The following DTHD1 variants were observed in gnomAD, a reference collection of about 807,000 sequenced individuals.
DTHD1 encodes the protein death domain containing 1, also known as death domain-containing protein 1.
In DTHD1, 59 loss-of-function variants were observed where a neutral mutation model predicts 74.8. That is an observed-to-expected ratio of 0.79 (90% CI 0.64 to 0.98). The LOEUF is 0.98. Among genes scored for constraint, DTHD1 ranks in the 50% least tolerant of loss-of-function variants. DTHD1 has a pLI of 0.00. For missense variants in DTHD1, 1,051 were observed against 1,065.4 expected (o/e 0.99, Z 0.19); for synonymous variants, 365 against 371.1 (o/e 0.98, Z 0.19).
At chr4:36,309,798 C>T (rs1757280864) in intron 7 of DTHD1, among the ~76,000 whole-genome samples, 1 of 152,108 alleles carries the variant, frequency 6.6e-6, no homozygotes. Context: ...AACTATCATC[C>T]TCATTTTTTC....
chr4:36,323,832 A>G (rs1016424514), intron 8 of DTHD1, among the ~76,000 whole-genome samples: 2 of 152,210 alleles, frequency 1.3e-5, no homozygotes, highest in Middle Eastern at 3.4e-3. Context: ...TAGAAATATT[A>G]TGTTAATTTT....
intron 9 of DTHD1, 48 bp downstream of exon 9, chr4:36,339,217 T>A (rs563537229): frequency 1.6e-6 from 2 of 1,266,786 alleles, no homozygotes; most frequent in African/African-American, 3.0e-5. Context: ...CCCACCCCCT[T>A]ATATGTTGTA....
At chr4:36,290,014 A>C (rs1307277386) in intron 2 of DTHD1, among the ~76,000 whole-genome samples, 1 of 152,182 alleles carries the variant, frequency 6.6e-6, no homozygotes, top group Admixed American at 6.5e-5. Flanking sequence ...AAACTTCAGC[A>C]ATCTTCAGCT....
chr4:36,323,589 CA>C (rs1400443242), intron 8 of DTHD1, among the ~76,000 whole-genome samples: 1 of 107,966 alleles, frequency 9.3e-6, no homozygotes, highest in African/African-American at 2.6e-5. Context: ...TTTTAAAAAG[CA>C]GATTGAAAGA....
intron 8 of DTHD1, among the ~76,000 whole-genome samples, chr4:36,322,165 A>T (rs1758067901): frequency 6.6e-6 from 1 of 151,690 alleles, no homozygotes; most frequent in African/African-American, 2.4e-5. Context: ...GTGTTTCTTC[A>T]TTTGTACATT....
chr4:36,302,328 T>A (rs1756826524), intron 5 of DTHD1, among the ~76,000 whole-genome samples: 2 of 152,264 alleles, frequency 1.3e-5, no homozygotes, highest in East Asian at 3.9e-4. Context: ...GGTTTTTTTC[T>A]CTGTACAATA....
At chr4:36,335,953 C>T (rs963334987) in intron 8 of DTHD1, among the ~76,000 whole-genome samples, 4 of 152,114 alleles carry the variant, frequency 2.6e-5, no homozygotes, top group Non-Finnish European at 5.9e-5. Context: ...GGTGTAGGTG[C>T]CTGTGTTTGG....
At chr4:36,283,497 G>A (rs375717704) in intron 1 of DTHD1, among the ~76,000 whole-genome samples, 52 of 152,290 alleles carry the variant, frequency 3.4e-4, no homozygotes, top group African/African-American at 9.4e-4. Context: ...TACATTGGCA[G>A]AAATAATGGA....
At chr4:36,295,464 A>C (rs1161269720) in intron 5 of DTHD1, among the ~76,000 whole-genome samples, 2 of 152,148 alleles carry the variant, frequency 1.3e-5, no homozygotes, top group Non-Finnish European at 2.9e-5. Flanking sequence ...AAGAGATTCA[A>C]ATAGTTACCA....
At position 36,316,359 on chromosome 4, in the gene DTHD1, A is replaced by G. The variant is rs1228964739; in HGVS notation, c.2213A>G (p.Tyr738Cys). ...TTTGGAAACTATAGTTGCCCTCATT[A>G]CAAAGGCACCATTGTCGTTTATAAA... ...DEFGNYSCPHYKGTIVVYKVP... is the reference protein window; with the variant it reads ...DEFGNYSCPHCKGTIVVYKVP... The change falls in exon 8 of 10, where the codon TAC becomes TGC. Residue 738 changes from tyrosine (Y) to cysteine (C), a missense_variant. Tyr to Cys is a radical substitution (Grantham distance 194). Coordinates refer to ENST00000639862, the MANE Select transcript of DTHD1 (RefSeq NM_001170700.3). The G allele has an allele frequency of 6.4e-7, 1 of 1,552,212 alleles. No individual in the cohort carries two copies.
intron 8 of DTHD1, among the ~76,000 whole-genome samples, chr4:36,336,612 G>A (rs979889467): frequency 2.6e-5 from 4 of 152,118 alleles, no homozygotes; most frequent in African/African-American, 9.7e-5. Flanking sequence ...CCTGGTAGTG[G>A]TGGGCTGTTT....
chr4:36,315,227 G>C (rs188007844), intron 7 of DTHD1, among the ~76,000 whole-genome samples: 2 of 152,240 alleles, frequency 1.3e-5, no homozygotes, highest in Admixed American at 1.3e-4. Flanking sequence ...TAAAACCCCA[G>C]TAAGTGAAAG....
intron 5 of DTHD1, among the ~76,000 whole-genome samples, chr4:36,300,526 T>C (rs140558794): frequency 5.9e-4 from 88 of 150,248 alleles, no homozygotes; most frequent in African/African-American, 2.1e-3. Flanking sequence ...GAGAGGGGTT[T>C]GGAAAATTTC....
chr4:36,318,327 T>C (rs978994490), intron 8 of DTHD1, among the ~76,000 whole-genome samples: 1 of 152,234 alleles, frequency 6.6e-6, no homozygotes, highest in Non-Finnish European at 1.5e-5. Context: ...ATGATGTCTG[T>C]ACTATGCTTT....
In DTHD1 at chr4:36,294,808, A is replaced by G. The variant is rs563179017; in HGVS notation, c.1412A>G (p.Asp471Gly). ...VLVQLKIQPV[D>G]PALVAHLKAQ... ...TTTTTTGTTTAGATCCAACCAGTTG[A>G]CCCAGCTCTGGTGGCACATTTAAAA... Residue 471 changes from aspartate (D) to glycine (G), a missense_variant, in exon 5 of 10, where the codon GAC becomes GGC. By Grantham distance (94) the Asp-to-Gly change is moderately conservative (BLOSUM62 -1). Coordinates refer to ENST00000639862, the MANE Select transcript of DTHD1 (RefSeq NM_001170700.3). 221 of 1,547,074 alleles carry G rather than the reference A, an allele frequency of 1.4e-4. 1 individual carries two copies. In the South Asian group the frequency reaches 1.6e-3, roughly 11 times the overall value.
intron 2 of DTHD1, among the ~76,000 whole-genome samples, chr4:36,287,483 T>C (rs1340110184): frequency 6.6e-6 from 1 of 152,258 alleles, no homozygotes; most frequent in Admixed American, 6.5e-5. Context: ...ATGACTTCTT[T>C]TCCTCTGAGT....
At chr4:36,320,186 C>T (rs1036949390) in intron 8 of DTHD1, among the ~76,000 whole-genome samples, 1 of 151,948 alleles carries the variant, frequency 6.6e-6, no homozygotes, top group African/African-American at 2.4e-5. Flanking sequence ...GTCTATGTAC[C>T]ATATATTTAT....
At chr4:36,330,380 C>T (rs944260399) in intron 8 of DTHD1, among the ~76,000 whole-genome samples, 14 of 152,066 alleles carry the variant, frequency 9.2e-5, no homozygotes, top group African/African-American at 3.4e-4. Context: ...GTTTAAATGT[C>T]ATATTTGTCA....
chr4:36,339,750 C>G (rs1383697623), intron 9 of DTHD1, among the ~76,000 whole-genome samples: 1 of 152,174 alleles, frequency 6.6e-6, no homozygotes, highest in Non-Finnish European at 1.5e-5. Flanking sequence ...CAAAAGACAT[C>G]AGCGAGGATA....
Sources: gnomAD v4.1 joint callset for allele counts (sites outside exome capture counted in the v4.1 genomes callset) on GRCh38, gnomAD v4.1.1 for gene constraint, MANE v1.5 for transcripts, NCBI Gene and HGNC (gene_info 2026-07-23, HGNC 2026-07-21) for gene names.